SLC18A1: variants seen among roughly 807,000 people sequenced by gnomAD.
SLC18A1 encodes chromaffin granule amine transporter.
A neutral mutation model predicts 53.7 loss-of-function variants in SLC18A1; 69 were observed. The observed-to-expected ratio is 1.28, with a 90% CI of 1.06 to 1.57. SLC18A1 has a LOEUF of 1.57. SLC18A1 is among the 40% of genes most tolerant of loss of function. SLC18A1 has a pLI of 0.00. For missense variants in SLC18A1, 932 were observed against 668.1 expected, an observed-to-expected ratio of 1.40 and a Z score of -4.35; for synonymous variants, 320 against 248.1, an observed-to-expected ratio of 1.29 and a Z score of -2.72.
At chr8:20,169,282 T>C (rs555875404) in intron 8 of SLC18A1, among the ~76,000 whole-genome samples, 2 of 151,932 alleles carry the variant, frequency 1.3e-5, no homozygotes, top group South Asian at 4.1e-4. Flanking sequence ...GCTAGAGAGG[T>C]GTGATGCATA....
intron 8 of SLC18A1, among the ~76,000 whole-genome samples, chr8:20,166,739 G>A (rs1187644724): frequency 1.3e-5 from 2 of 152,136 alleles, no homozygotes; most frequent in African/African-American, 4.8e-5. Context: ...TTAGTATGTT[G>A]AAGTCCTAAC....
At chr8:20,178,154 C>T (rs981343296) in intron 4 of SLC18A1, among the ~76,000 whole-genome samples, 25 of 102,848 alleles carry the variant, frequency 2.4e-4, no homozygotes, top group Admixed American at 2.2e-3. Context: ...ACACACACCC[C>T]GTAGCATACA....
intron 7 of SLC18A1, 72 bp downstream of exon 7, chr8:20,171,333 T>C (rs1439220583): frequency 7.2e-7 from 1 of 1,382,064 alleles, no homozygotes; most frequent in East Asian, 2.3e-5. Flanking sequence ...TAGTGAAGAC[T>C]GACACTACAA....
At position 20,181,044 on chromosome 8, in the gene SLC18A1, T is replaced by A. The variant is rs2072417188; in HGVS notation, c.-80A>T. ...TGACAGCTACAGGTCTCCTGCAGCC[T>A]TTATGGAAGAGGGGAGGGAGTCTGC... On this transcript the variant is annotated 5_prime_UTR_variant, in exon 2 of 16. It adds an upstream start codon to the 5' untranslated region. Transcript: ENST00000276373. 6.8e-7 allele frequency: 1 copy of A among 1,479,734 alleles called. No homozygotes were observed. Among genetic ancestry groups the A allele is most frequent in the Admixed American group, 2.2e-5 (1 of 46,198 alleles). The allele number at this position is 1,479,734 out of a possible 1,614,324, so 91.7% of individuals were successfully genotyped here.
intron 10 of SLC18A1, among the ~76,000 whole-genome samples, chr8:20,158,788 C>T (rs2071744360): frequency 3.3e-5 from 5 of 152,114 alleles, no homozygotes; most frequent in Admixed American, 3.3e-4. Context: ...TCCCAAATAC[C>T]AGAGGAAGCA....
At chr8:20,171,295 A>G in intron 7 of SLC18A1, 110 bp downstream of exon 7, 1 of 1,319,822 alleles carries the variant, frequency 7.6e-7, no homozygotes, top group Non-Finnish European at 1.1e-6. Context: ...TCCTTGATCC[A>G]TCAAAACATG....
At position 20,165,685 on chromosome 8, in the gene SLC18A1, G is replaced by A. The variant is rs376968029; in HGVS notation, c.859-578C>T. On this transcript the variant is annotated intron_variant, in intron 8 of 15. Transcript: ENST00000276373. ...GACACACTCTCATCTAAACTTGGTCGCCCCACCCTCTTTCCAAGCATCCCA... is the reference window on the plus strand; with the variant it reads ...GACACACTCTCATCTAAACTTGGTCACCCCACCCTCTTTCCAAGCATCCCA... Among the ~76,000 whole-genome samples the A allele has an allele frequency of 5.3e-5, 8 of 152,148 alleles. 1 individual carries two copies. In the East Asian group the frequency reaches 1.2e-3, roughly 22 times the overall value.
At chr8:20,170,834 T>TAG (rs2072095332) in intron 8 of SLC18A1, among the ~76,000 whole-genome samples, 1 of 100,566 alleles carries the variant, frequency 9.9e-6, no homozygotes, top group African/African-American at 3.1e-5. Flanking sequence ...ATGTGTCGAA[T>TAG]ATATAGATAG....
Position 20,149,820 on chromosome 8 carries a change from C to G in SLC18A1, c.1095-93G>C, listed in dbSNP as rs1392051496. On this transcript the variant is annotated intron_variant, in intron 11 of 15. Coordinates refer to ENST00000276373, the MANE Select transcript of SLC18A1 (RefSeq NM_003053.4). ...GCCATGCTGACCTGTCCCACCAGCC[C>G]TAATCCCAGCAACCCCTTAGGACCT... 2.5e-6 allele frequency: 3 copies of G among 1,186,496 alleles called. No individual in the cohort carries two copies. The African/African-American group carries it at 4.5e-5, about 18-fold the overall frequency. 73.5% of individuals were successfully genotyped at this position (1,186,496 alleles called of 1,614,324 possible).
In SLC18A1 at chr8:20,165,050, C is replaced by A. The variant is rs1422267213; in HGVS notation, c.916G>T (p.Ala306Ser). The A allele has an allele frequency of 6.2e-7, 1 of 1,614,202 alleles. No homozygotes were observed. The change falls in exon 9 of 16, where the codon GCA becomes TCA. Residue 306 changes from alanine to serine, a missense_variant. Physicochemically the swap from Ala to Ser is moderately conservative, Grantham distance 99. Transcript: ENST00000276373. Reference protein sequence around the residue: ...LLKDPYILVAAGSICFANMGV... With the variant: ...LLKDPYILVASGSICFANMGV... ...TGGGAGGTCATCGCCAGCTTACCTG[C>A]AGCCACCAGGATGTAAGGGTCTTTG...
At position 20,180,906 on chromosome 8, in the gene SLC18A1, C is replaced by T. The variant is rs201833483; in HGVS notation, c.59G>A (p.Arg20Gln). ...GAATACCACCACCAGCACCAGCTGC[C>T]GGGACGCTCTCCCCTCCTTCAGCAA... ...QRLLKEGRAS[R>Q]QLVLVVVFVA... Residue 20 changes from arginine (R) to glutamine (Q), a missense_variant, in exon 2 of 16, where the codon CGG becomes CAG. Physicochemically the swap from Arg to Gln is conservative, Grantham distance 43. Transcript: ENST00000276373. 17 of 1,612,176 alleles carry T rather than the reference C, an allele frequency of 1.1e-5. No individual in the cohort carries two copies. The African/African-American group carries it at 1.5e-4, about 14-fold the overall frequency.
intron 6 of SLC18A1, among the ~76,000 whole-genome samples, chr8:20,171,987 C>T (rs576464168): frequency 7.2e-5 from 11 of 152,298 alleles, no homozygotes; most frequent in Admixed American, 7.2e-4. Context: ...AAAAGTAGAG[C>T]CTTGCATATG....
chr8:20,147,130 T>C (rs6586896), intron 15 of SLC18A1, 128 bp downstream of exon 15: 90,458 of 996,070 alleles, frequency 0.091, 4,719 homozygotes, highest in Non-Finnish European at 0.11. Context: ...TTGGGAAACA[T>C]GGCAAAGCAG....
chr8:20,170,486 T>C (rs1471812722), intron 8 of SLC18A1, among the ~76,000 whole-genome samples: 1 of 152,164 alleles, frequency 6.6e-6, no homozygotes, highest in Non-Finnish European at 1.5e-5. Flanking sequence ...AGATCAAACA[T>C]TTTTACACTT....
intron 2 of SLC18A1, among the ~76,000 whole-genome samples, chr8:20,180,108 T>TTGTGTGTG (rs112531759): frequency 0.32 from 46,657 of 145,904 alleles, 7,968 homozygotes; most frequent in Non-Finnish European, 0.39. Context: ...AAGATTATAA[T>TTGTGTGTG]TGTGTGTGTG....
intron 1 of SLC18A1, among the ~76,000 whole-genome samples, chr8:20,182,156 T>A (rs537550091): frequency 5.3e-5 from 8 of 152,134 alleles, no homozygotes; most frequent in Non-Finnish European, 8.8e-5. Flanking sequence ...TCATGAAATC[T>A]ATCAGGCCCT....
intron 4 of SLC18A1, among the ~76,000 whole-genome samples, chr8:20,178,125 C>G (rs1240937154): frequency 1.9e-5 from 2 of 103,182 alleles, no homozygotes; most frequent in East Asian, 4.5e-4. Context: ...GCATATAACA[C>G]ACACACACAC....
intron 6 of SLC18A1, 47 bp downstream of exon 6, chr8:20,172,989 T>A (rs1328103321): frequency 7.3e-7 from 1 of 1,367,478 alleles, no homozygotes; most frequent in Non-Finnish European, 1.0e-6. Context: ...ACCTGCTTCC[T>A]AGAGTCCCAC....
At chr8:20,161,723 C>T (rs1263716917) in intron 10 of SLC18A1, among the ~76,000 whole-genome samples, 3 of 152,198 alleles carry the variant, frequency 2.0e-5, no homozygotes, top group Non-Finnish European at 4.4e-5. Flanking sequence ...AAGCCCAAAA[C>T]AGAAAACAAT....
Sources: gnomAD v4.1 joint callset for allele counts (sites outside exome capture counted in the v4.1 genomes callset) on GRCh38, gnomAD v4.1.1 for gene constraint, MANE v1.5 for transcripts, NCBI Gene and HGNC (gene_info 2026-07-23, HGNC 2026-07-21) for gene names.